SGCD: variants seen among roughly 807,000 people sequenced by gnomAD.
The protein encoded by SGCD is sarcoglycan delta.
In SGCD, 18 loss-of-function variants were observed where a neutral mutation model predicts 36.6. The ratio of observed to expected loss-of-function variants is 0.49; its 90% CI spans 0.34 to 0.73. The LOEUF is 0.73. Ranked by LOEUF, SGCD falls within the 30% of genes least tolerant of loss-of-function variation. SGCD has a pLI of 0.01. For missense variants in SGCD, 387 were observed against 346.7 expected (o/e 1.12, Z -0.92); for synonymous variants, 133 against 130.6 (o/e 1.02, Z -0.12).
chr5:156,047,957 T>C (rs1466806267), intron 1 of SGCD, among the ~76,000 whole-genome samples: 2 of 152,186 alleles, frequency 1.3e-5, no homozygotes, highest in Non-Finnish European at 2.9e-5. Flanking sequence ...TATCTCCTAA[T>C]GCTATCCTTC....
chr5:156,173,286 A>T (rs1375832783), intron 3 of SGCD, among the ~76,000 whole-genome samples: 1 of 152,224 alleles, frequency 6.6e-6, no homozygotes, highest in Non-Finnish European at 1.5e-5. Context: ...CTTGCCAAAA[A>T]GATCATTTCC....
intron 7 of SGCD, among the ~76,000 whole-genome samples, chr5:156,745,645 G>T (rs899397116): frequency 1.3e-5 from 2 of 151,990 alleles, no homozygotes; most frequent in African/African-American, 4.8e-5. Context: ...ATGAGAATTA[G>T]CAGAGGAACA....
At chr5:156,284,135 T>C (rs62383781) in intron 3 of SGCD, among the ~76,000 whole-genome samples, 17,110 of 152,142 alleles carry the variant, frequency 0.11, 1,271 homozygotes, top group African/African-American at 0.21. Flanking sequence ...AGAAGTTGAA[T>C]CTCTTAATAG....
intron 1 of SGCD, among the ~76,000 whole-genome samples, chr5:155,946,008 G>A (rs1757429760): frequency 6.6e-6 from 1 of 152,200 alleles, no homozygotes. Context: ...GGTAAAATGG[G>A]CAGAGCATTG....
At chr5:155,975,009 A>C (rs563449239) in intron 1 of SGCD, among the ~76,000 whole-genome samples, 1 of 152,290 alleles carries the variant, frequency 6.6e-6, no homozygotes, top group African/African-American at 2.4e-5. Context: ...TCCTTCCCAT[A>C]GTTTCTGTTA....
At chr5:155,822,290 T>C in the SGCD span, among the ~76,000 whole-genome samples, 6 of 152,184 alleles carry the variant, frequency 3.9e-5, no homozygotes, top group Non-Finnish European at 7.3e-5. Context: ...TCTTTAAGAA[T>C]GAATTATAGA....
chr5:156,356,643 G>A (rs1014198495), intron 3 of SGCD, among the ~76,000 whole-genome samples: 4 of 152,152 alleles, frequency 2.6e-5, no homozygotes, highest in Non-Finnish European at 5.9e-5. Flanking sequence ...GAGTACGTGG[G>A]ATGGGAGATT....
the SGCD span, among the ~76,000 whole-genome samples, chr5:155,779,936 A>C: frequency 6.6e-6 from 1 of 152,170 alleles, no homozygotes; most frequent in South Asian, 2.1e-4. Context: ...CTGGACACTC[A>C]GGTTTCCTCT....
chr5:156,438,072 A>T (rs981804408), intron 3 of SGCD, among the ~76,000 whole-genome samples: 1 of 152,188 alleles, frequency 6.6e-6, no homozygotes, highest in Non-Finnish European at 1.5e-5. Flanking sequence ...ACCACACTCA[A>T]TTGGAAATTT....
intron 1 of SGCD, among the ~76,000 whole-genome samples, chr5:155,886,562 A>C (rs1756009525): frequency 6.6e-6 from 1 of 152,152 alleles, no homozygotes; most frequent in South Asian, 2.1e-4. Flanking sequence ...GTGCAGCCTC[A>C]GAAAGGGTAA....
chr5:156,558,123 A>G (rs71577202), intron 4 of SGCD, among the ~76,000 whole-genome samples: 8 of 126,260 alleles, frequency 6.3e-5, no homozygotes, highest in African/African-American at 2.3e-4. Context: ...ATATATATAT[A>G]TTATTTAACT....
In SGCD at chr5:156,508,637, C is replaced by A. The variant is rs1164912624; in HGVS notation, c.229C>A (p.Leu77Ile). 2.5e-6 allele frequency: 4 copies of A among 1,611,818 alleles called. No homozygotes were observed. The African/African-American group carries it at 4.0e-5, about 16-fold the overall frequency. The change falls in exon 4 of 9, where the codon CTA becomes ATA. Residue 77 changes from leucine to isoleucine, a missense_variant. Physicochemically the swap from Leu to Ile is conservative, Grantham distance 5 (BLOSUM62 2). Transcript: ENST00000337851. ...AAACCTGAGGATCACAGAAAAAGGT[C>A]TAAAGCTAGAAGGAGACTCTGAATT... ...MGNLRITEKGLKLEGDSEFLQ... is the reference protein window; with the variant it reads ...MGNLRITEKGIKLEGDSEFLQ...
intron 3 of SGCD, among the ~76,000 whole-genome samples, chr5:156,186,550 A>G (rs971416192): frequency 3.3e-5 from 5 of 152,162 alleles, no homozygotes; most frequent in Admixed American, 6.5e-5. Flanking sequence ...TTTTGGGCAA[A>G]TAGGTGATTG....
chr5:156,309,993 A>G (rs1167306224), intron 3 of SGCD, among the ~76,000 whole-genome samples: 2 of 152,142 alleles, frequency 1.3e-5, no homozygotes, highest in East Asian at 3.8e-4. Context: ...TCTGGAAATC[A>G]GATTCTCTTC....
chr5:156,444,159 T>TC (rs1753656863), intron 3 of SGCD, among the ~76,000 whole-genome samples: 1 of 131,482 alleles, frequency 7.6e-6, no homozygotes, highest in Non-Finnish European at 1.6e-5. Flanking sequence ...TCTCTCTCCT[T>TC]CCCTCTCTCT....
intron 4 of SGCD, among the ~76,000 whole-genome samples, chr5:156,527,230 T>G (rs959779710): frequency 6.6e-6 from 1 of 152,012 alleles, no homozygotes; most frequent in Non-Finnish European, 1.5e-5. Context: ...AAATAACTTA[T>G]AAGAAGTACA....
chr5:156,600,353 C>G (rs1761141304), intron 6 of SGCD, among the ~76,000 whole-genome samples: 1 of 152,140 alleles, frequency 6.6e-6, no homozygotes, highest in South Asian at 2.1e-4. Flanking sequence ...CCTTTCTATT[C>G]TCAACTTCTA....
At chr5:156,119,014 T>C (rs1334433937) in intron 2 of SGCD, among the ~76,000 whole-genome samples, 1 of 152,102 alleles carries the variant, frequency 6.6e-6, no homozygotes, top group Non-Finnish European at 1.5e-5. Flanking sequence ...TAATCAATAT[T>C]TTGCAACTGA....
intron 3 of SGCD, among the ~76,000 whole-genome samples, chr5:156,434,298 A>C (rs189095644): frequency 1.3e-5 from 2 of 152,346 alleles, no homozygotes; most frequent in East Asian, 3.9e-4. Context: ...GGCAAAACTA[A>C]GATACACTTT....
Sources: allele counts gnomAD v4.1 joint callset (sites outside exome capture counted in the v4.1 genomes callset), GRCh38; gene constraint gnomAD v4.1.1; transcripts MANE v1.5; gene names NCBI Gene and HGNC (gene_info 2026-07-23, HGNC 2026-07-21).